Variants in CYTH1 observed in about 807,000 individuals in gnomAD.
CYTH1 encodes the protein cytohesin-1.
Under a neutral mutation model 61.8 loss-of-function variants are expected in CYTH1, and 18 were observed. That is an observed-to-expected ratio of 0.29 (90% CI 0.20 to 0.43). CYTH1 has a LOEUF of 0.43. CYTH1 is among the 20% of genes least tolerant of loss of function. CYTH1 has a pLI of 1.00. For missense variants in CYTH1, 336 were observed against 510.5 expected (o/e 0.66, Z 3.29); for synonymous variants, 174 against 184.3 (o/e 0.94, Z 0.45).
At chr17:78,762,960 T>C (rs1351027456) in intron 1 of CYTH1, among the ~76,000 whole-genome samples, 1 of 152,224 alleles carries the variant, frequency 6.6e-6, no homozygotes. Flanking sequence ...CTTAAGCCAC[T>C]AAATTTGTGA....
intron 1 of CYTH1, among the ~76,000 whole-genome samples, chr17:78,763,470 C>T (rs962253980): frequency 6.6e-6 from 1 of 152,034 alleles, no homozygotes; most frequent in Non-Finnish European, 1.5e-5. Context: ...TTCCAAGACC[C>T]CCCACGGATG....
In CYTH1 at chr17:78,676,051, G is replaced by A. The variant is rs1342127757; in HGVS notation, c.*40C>T. On this transcript the variant is annotated 3_prime_UTR_variant, in exon 14 of 14. Coordinates refer to ENST00000446868, the MANE Select transcript of CYTH1 (RefSeq NM_004762.6). Reference sequence around the variant, plus strand: ...ATGGAGGTGCGGGAGAAGAGCAGGAGCTCCAAGGCCCCCGCAGACCAACGC... The same window carrying A: ...ATGGAGGTGCGGGAGAAGAGCAGGAACTCCAAGGCCCCCGCAGACCAACGC... 4.4e-6 allele frequency: 7 copies of A among 1,577,832 alleles called. No individual in the cohort carries two copies. Among genetic ancestry groups the A allele is most frequent in the Admixed American group, 1.9e-5 (1 of 53,668 alleles).
intron 11 of CYTH1, among the ~76,000 whole-genome samples, chr17:78,689,432 G>T (rs957478716): frequency 5.3e-5 from 8 of 152,248 alleles, no homozygotes; most frequent in Admixed American, 5.2e-4. Context: ...TAGATCTCTG[G>T]CCCATACAAT....
intron 1 of CYTH1, among the ~76,000 whole-genome samples, chr17:78,745,929 A>C (rs1037308540): frequency 6.6e-6 from 1 of 152,114 alleles, no homozygotes; most frequent in Non-Finnish European, 1.5e-5. Context: ...TTTTGAACAT[A>C]TATAGGGAGA....
intron 1 of CYTH1, among the ~76,000 whole-genome samples, chr17:78,720,099 G>A (rs1054677420): frequency 5.3e-5 from 8 of 152,070 alleles, no homozygotes; most frequent in Admixed American, 4.6e-4. Context: ...CTGGGGAGAG[G>A]GGGAGTGGGA....
chr17:78,680,997 G>A lies in CYTH1; in HGVS notation c.937C>T (p.Arg313Trp), dbSNP rs776237586. The A allele has an allele frequency of 6.2e-7, 1 of 1,613,944 alleles. No individual in the cohort carries two copies. Among genetic ancestry groups the A allele is most frequent in the Admixed American group, 1.7e-5 (1 of 60,002 alleles). The change falls in exon 12 of 14, where the codon CGG becomes TGG. Residue 313 changes from arginine to tryptophan, a missense_variant. By Grantham distance (101) the Arg-to-Trp change is moderately radical (BLOSUM62 -3). This residue lies in a region of CYTH1 where 83 missense variants were observed against 115.6 expected (regional missense o/e 0.72). Coordinates refer to ENST00000446868, the MANE Select transcript of CYTH1 (RefSeq NM_004762.6). ...GIIPLENLSI[R>W]EVEDSKKPNC... is the part of the protein sequence containing the mutation. ...GGTTTTTTGGAGTCCTCCACTTCCCGGATACTCAGATTCTCTAAAGGGATG... is the reference window on the plus strand; with the variant it reads ...GGTTTTTTGGAGTCCTCCACTTCCCAGATACTCAGATTCTCTAAAGGGATG...
intron 1 of CYTH1, among the ~76,000 whole-genome samples, chr17:78,773,578 G>C (rs561014964): frequency 1.1e-4 from 16 of 150,270 alleles, no homozygotes; most frequent in Non-Finnish European, 2.4e-4. Flanking sequence ...GCAGTGAGCC[G>C]AGATTGTGCC....
chr17:78,779,548 G>A (rs2093508337), intron 1 of CYTH1, among the ~76,000 whole-genome samples: 1 of 152,152 alleles, frequency 6.6e-6, no homozygotes. Flanking sequence ...CATGGCAGAA[G>A]GGGAATTAAG....
Position 78,701,723 on chromosome 17 carries a change from C to A in CYTH1, c.385G>T (p.Ala129Ser), listed in dbSNP as rs1250363765. The A allele has an allele frequency of 6.2e-7, 1 of 1,614,046 alleles. No homozygotes were observed. Among genetic ancestry groups the A allele is most frequent in the African/African-American group, 1.3e-5 (1 of 74,918 alleles). The change falls in exon 6 of 14, where the codon GCA (alanine) becomes TCA (serine). Residue 129 changes from alanine (A) to serine (S), a missense_variant. By Grantham distance (99) the Ala-to-Ser change is moderately conservative (BLOSUM62 1). Around this residue, in one of 4 missense-constraint regions of CYTH1, gnomAD observed 125 missense variants for 209.9 expected, o/e 0.60. Coordinates refer to ENST00000446868, the MANE Select transcript of CYTH1 (RefSeq NM_004762.6). ...RDEFNIQVLH[A>S]FVELHEFTDL... Reference sequence around the variant, plus strand: ...GTGAACTCATGCAGCTCCACAAATGCATGAAGAACCTGGATATTAAACTCA... The same window carrying A: ...GTGAACTCATGCAGCTCCACAAATGAATGAAGAACCTGGATATTAAACTCA...
intron 3 of CYTH1, among the ~76,000 whole-genome samples, chr17:78,707,637 G>C (rs2093081734): frequency 6.6e-6 from 1 of 151,914 alleles, no homozygotes; most frequent in African/African-American, 2.4e-5. Context: ...TAAAAATTTA[G>C]GAGCAGTTTA....
chr17:78,769,889 T>A (rs9901961), intron 1 of CYTH1, among the ~76,000 whole-genome samples: 1 of 151,800 alleles, frequency 6.6e-6, no homozygotes, highest in Non-Finnish European at 1.5e-5. Flanking sequence ...CAGTGGCTCA[T>A]GCCTGTAATC....
At chr17:78,764,033 C>T (rs1030295171) in intron 1 of CYTH1, among the ~76,000 whole-genome samples, 4 of 151,944 alleles carry the variant, frequency 2.6e-5, no homozygotes, top group African/African-American at 9.7e-5. Flanking sequence ...ATCGCTTGAA[C>T]CCGGGAGGCA....
At chr17:78,750,220 A>G (rs2093374690) in intron 1 of CYTH1, among the ~76,000 whole-genome samples, 1 of 152,230 alleles carries the variant, frequency 6.6e-6, no homozygotes, top group Non-Finnish European at 1.5e-5. Context: ...AATAAACCAT[A>G]CTACTAATGA....
intron 10 of CYTH1, among the ~76,000 whole-genome samples, chr17:78,694,513 T>C (rs1196143211): frequency 6.6e-6 from 1 of 152,172 alleles, no homozygotes; most frequent in East Asian, 1.9e-4. Context: ...GCAAGGACTA[T>C]ATTCAGGATT....
At chr17:78,710,851 C>T (rs1308495049) in intron 1 of CYTH1, among the ~76,000 whole-genome samples, 1 of 152,168 alleles carries the variant, frequency 6.6e-6, no homozygotes, top group East Asian at 1.9e-4. Flanking sequence ...TCCTTCTATC[C>T]TTCAGTGGGT....
intron 1 of CYTH1, among the ~76,000 whole-genome samples, chr17:78,715,103 CCA>C: frequency 6.6e-6 from 1 of 151,728 alleles, no homozygotes; most frequent in East Asian, 1.9e-4. Context: ...TTTTTAAATC[CCA>C]CAGAGAAATT....
At chr17:78,736,556 C>T (rs929102472) in intron 1 of CYTH1, 5 of 206,140 alleles carry the variant, frequency 2.4e-5, no homozygotes, top group African/African-American at 1.2e-4. Flanking sequence ...CTAGGTTGGT[C>T]CTTAACTCCT....
chr17:78,736,805 G>A (rs1400592910), intron 1 of CYTH1: 1 of 306,150 alleles, frequency 3.3e-6, no homozygotes, highest in East Asian at 1.1e-4. Flanking sequence ...TTTCCTGTGG[G>A]GTCTGACTGG....
intron 11 of CYTH1, among the ~76,000 whole-genome samples, chr17:78,685,123 C>T (rs373678794): frequency 1.4e-5 from 2 of 142,818 alleles, no homozygotes; most frequent in African/African-American, 2.6e-5. Flanking sequence ...TTCTTGAATC[C>T]GGGAGGCGGA....
Sources: gnomAD v4.1 joint callset for allele counts (sites outside exome capture counted in the v4.1 genomes callset) on GRCh38, gnomAD v4.1.1 for gene constraint, gnomAD v4.1.1 regional missense constraint, MANE v1.5 for transcripts, NCBI Gene and HGNC (gene_info 2026-07-23, HGNC 2026-07-21) for gene names.